CCDC150: variants seen among roughly 807,000 people sequenced by gnomAD.
The protein encoded by CCDC150 is coiled-coil domain-containing protein 150.
CCDC150 carries 151 observed loss-of-function variants against 156.5 expected under a neutral mutation model. That is an observed-to-expected ratio of 0.97 (90% CI 0.85 to 1.10). The LOEUF is 1.10. Ranked by LOEUF, CCDC150 falls within the 50% of genes least tolerant of loss-of-function variation. The pLI, the probability that CCDC150 is intolerant of heterozygous loss-of-function variation, is 0.00. For synonymous variants in CCDC150, 452 were observed against 429.4 expected (o/e 1.05, Z -0.65); for missense variants, 1,312 against 1,268.1 (o/e 1.03, Z -0.53).
intron 23 of CCDC150, 30 bp downstream of exon 23, chr2:196,729,417 G>A (rs750781223): frequency 6.3e-7 from 1 of 1,599,652 alleles, no homozygotes; most frequent in East Asian, 2.2e-5. Flanking sequence ...CTCACTTCCT[G>A]GATACCCTGT....
At chr2:196,695,244 T>G in intron 14 of CCDC150, 85 bp downstream of exon 14, 1 of 637,126 alleles carries the variant, frequency 1.6e-6, no homozygotes, top group Non-Finnish European at 2.7e-6. Context: ...GAGATGGGTT[T>G]TCTTTGTGTT....
rs1239764717 is a variant in CCDC150, at chr2:196,730,034, T to C, written c.2898T>C (p.Tyr966=). 1 of 1,613,876 alleles carries C rather than the reference T, an allele frequency of 6.2e-7. No homozygotes were observed. Among genetic ancestry groups the C allele is most frequent in the African/African-American group, 1.3e-5 (1 of 75,078 alleles). The change falls in exon 25 of 28, where the codon TAT becomes TAC. Residue 966 remains tyrosine (Y), a synonymous_variant. Coordinates refer to ENST00000389175, the MANE Select transcript of CCDC150 (RefSeq NM_001080539.2). ...KEMQMLAKSQ[Y]DASVRNKQQE... ...TGCAGATGTTGGCTAAGAGCCAATA[T>C]GATGCCTCAGTGCGGAATAAACAGC...
In CCDC150 at chr2:196,659,653, T is replaced by C. The variant is rs774151757; in HGVS notation, c.645+793T>C. On this transcript the variant is annotated intron_variant, in intron 5 of 27. Transcript: ENST00000389175. ...ATGCTCATAGTTAGAATGTATTCAGTTTATTTCTAAGATATTGTACTAGAC... is the reference window on the plus strand; with the variant it reads ...ATGCTCATAGTTAGAATGTATTCAGCTTATTTCTAAGATATTGTACTAGAC... 5.6e-4 allele frequency among the ~76,000 whole-genome samples: 85 copies of C among 152,174 alleles called. 1 individual carries two copies. Among genetic ancestry groups the C allele is most frequent in the African/African-American group, 1.2e-4 (5 of 41,438 alleles).
In CCDC150 at chr2:196,720,680, G is replaced by C. The variant is rs537479737; in HGVS notation, c.2259+12G>C. The C allele has an allele frequency of 1.4e-4, 225 of 1,605,712 alleles. 2 individuals carry two copies. The South Asian group carries it at 2.2e-3, about 16-fold the overall frequency. On this transcript the variant is annotated intron_variant, in intron 20 of 27. Coordinates refer to ENST00000389175, the MANE Select transcript of CCDC150 (RefSeq NM_001080539.2). ...AGCACAACAGTGAGGTTGGAGCCAGGCTTTAAAAAATGATAACATTGATAT... is the reference window on the plus strand; with the variant it reads ...AGCACAACAGTGAGGTTGGAGCCAGCCTTTAAAAAATGATAACATTGATAT...
At position 196,669,931 on chromosome 2, in the gene CCDC150, C is replaced by G. The variant is rs528584263; in HGVS notation, c.936+55C>G. ...TGGTCTTTCCTCTCTTCACTAAGTC[C>G]TATTTCCTCTTCCATGTTGGCTTAC... On this transcript the variant is annotated intron_variant, in intron 8 of 27. Transcript: ENST00000389175. The G allele has an allele frequency of 1.3e-5, 17 of 1,289,792 alleles. No individual in the cohort carries two copies. In the South Asian group the frequency reaches 2.3e-4, roughly 17 times the overall value. The allele number at this position is 1,289,792 out of a possible 1,614,324, so 79.9% of individuals were successfully genotyped here. A position where few individuals can be genotyped will look rare whatever the true frequency, so the allele number is the denominator to read the frequency against.
At position 196,721,596 on chromosome 2, in the gene CCDC150, T is replaced by C; in HGVS notation, c.2334T>C (p.Ala778=). 1 of 1,608,006 alleles carries C rather than the reference T, an allele frequency of 6.2e-7. No homozygotes were observed. Among genetic ancestry groups the C allele is most frequent in the Non-Finnish European group, 8.5e-7 (1 of 1,177,342 alleles). ...AACTTGCTATGAGTCTGGAACAAGC[T>C]CTCCAGACAAATAATCATCTGCAAA... ...NRKLAMSLEQ[A]LQTNNHLQTK... The change falls in exon 21 of 28, where the codon GCT becomes GCC. Residue 778 remains alanine (A), a synonymous_variant. Transcript: ENST00000389175.
chr2:196,726,248 C>A, intron 22 of CCDC150, 149 bp downstream of exon 22: 1 of 825,808 alleles, frequency 1.2e-6, no homozygotes, highest in Non-Finnish European at 1.8e-6. Flanking sequence ...CTCTGTAAAG[C>A]AACACACAAG....
chr2:196,642,542 C>G (rs149808596), intron 1 of CCDC150, among the ~76,000 whole-genome samples: 33 of 152,306 alleles, frequency 2.2e-4, no homozygotes, highest in African/African-American at 6.7e-4. Flanking sequence ...ACTTTAACAG[C>G]CTCCCAGATA....
chr2:196,729,709 T>G (rs1402623351), intron 23 of CCDC150, 84 bp from the exon 24 acceptor site: 3 of 923,344 alleles, frequency 3.2e-6, no homozygotes, highest in Non-Finnish European at 4.9e-6. Context: ...TCATATTGGA[T>G]TCTTTCTGTC....
intron 13 of CCDC150, among the ~76,000 whole-genome samples, chr2:196,679,351 A>T (rs1289489364): frequency 6.6e-6 from 1 of 152,176 alleles, no homozygotes; most frequent in Non-Finnish European, 1.5e-5. Context: ...TGGCAACCAC[A>T]GATCTGTGTT....
At chr2:196,655,005 A>C (rs1218184019) in intron 2 of CCDC150, among the ~76,000 whole-genome samples, 1 of 152,222 alleles carries the variant, frequency 6.6e-6, no homozygotes, top group Non-Finnish European at 1.5e-5. Context: ...GAGAGCAGTA[A>C]GACAGTAGCC....
At chr2:196,646,992 A>G (rs1692583945) in intron 2 of CCDC150, among the ~76,000 whole-genome samples, 1 of 152,114 alleles carries the variant, frequency 6.6e-6, no homozygotes, top group Non-Finnish European at 1.5e-5. Flanking sequence ...GTGCTTCTAA[A>G]GAAGTTATTA....
intron 13 of CCDC150, among the ~76,000 whole-genome samples, chr2:196,682,226 A>G (rs181519013): frequency 9.9e-5 from 15 of 152,128 alleles, no homozygotes; most frequent in East Asian, 1.9e-4. Flanking sequence ...CATTCTTTCT[A>G]TGGAATAGTT....
intron 18 of CCDC150, among the ~76,000 whole-genome samples, 200 bp downstream of exon 18, chr2:196,718,831 A>G (rs189471237): frequency 3.0e-4 from 46 of 152,062 alleles, no homozygotes; most frequent in African/African-American, 9.7e-4. Context: ...CTAACTCCCA[A>G]TGTTTTTTTT....
At chr2:196,680,731 A>G (rs1197381964) in intron 13 of CCDC150, among the ~76,000 whole-genome samples, 1 of 152,202 alleles carries the variant, frequency 6.6e-6, no homozygotes, top group Non-Finnish European at 1.5e-5. Context: ...TGTCCGAGGT[A>G]TAACCTAGGA....
chr2:196,701,143 G>A lies in CCDC150; in HGVS notation c.1658G>A (p.Ser553Asn). Residue 553 changes from serine to asparagine, a missense_variant, in exon 15 of 28, where the codon AGT becomes AAT. Ser to Asn is a conservative substitution (Grantham distance 46). Coordinates refer to ENST00000389175, the MANE Select transcript of CCDC150 (RefSeq NM_001080539.2). Reference protein sequence around the residue: ...AQQKVEKITESKNKLAYENGK... With the variant: ...AQQKVEKITENKNKLAYENGK... ...CAGAAGGTGGAAAAAATCACTGAAA[G>A]TAAAAATAAACTGGCCTATGAAAAC... is the stretch of plus-strand genomic sequence containing the variant. 1 of 1,609,094 alleles carries A rather than the reference G, an allele frequency of 6.2e-7. No homozygotes were observed. The highest frequency in any genetic ancestry group is 8.5e-7 in the Non-Finnish European group (1 of 1,177,840).
intron 16 of CCDC150, 127 bp from the exon 17 acceptor site, chr2:196,712,550 G>C: frequency 1.6e-6 from 1 of 643,088 alleles, no homozygotes; most frequent in Non-Finnish European, 2.8e-6. Context: ...AAAATAGATT[G>C]TATTACTGAA....
At chr2:196,664,472 A>G (rs1235388133) in intron 5 of CCDC150, among the ~76,000 whole-genome samples, 1 of 152,224 alleles carries the variant, frequency 6.6e-6, no homozygotes, top group East Asian at 1.9e-4. Context: ...GCCAGATGGA[A>G]GCGATGCATA....
chr2:196,696,442 T>A (rs139417563), intron 14 of CCDC150, among the ~76,000 whole-genome samples: 6 of 152,312 alleles, frequency 3.9e-5, no homozygotes, highest in African/African-American at 1.2e-4. Flanking sequence ...CTGGGTTCCT[T>A]TGGGAGACCA....
Sources: allele counts gnomAD v4.1 joint callset (sites outside exome capture counted in the v4.1 genomes callset), GRCh38; gene constraint gnomAD v4.1.1; transcripts MANE v1.5; gene names NCBI Gene and HGNC (gene_info 2026-07-23, HGNC 2026-07-21).